The following ZNF394 variants were observed in gnomAD, a reference collection of about 807,000 sequenced individuals.
ZNF394 encodes zinc finger protein 394.
In ZNF394, 19 loss-of-function variants were observed where a neutral mutation model predicts 21.8. The observed-to-expected ratio is 0.87, with a 90% CI of 0.61 to 1.28. The LOEUF (loss-of-function observed/expected upper bound fraction) is 1.28. Ranked by LOEUF, ZNF394 falls within the 50% of genes most tolerant of loss-of-function variation. ZNF394 has a pLI of 0.00. For synonymous variants in ZNF394, 294 were observed against 273.3 expected (o/e 1.08, Z -0.75); for missense variants, 683 against 708.6 (o/e 0.96, Z 0.41).
Position 99,493,924 on chromosome 7 carries a change from G to A in ZNF394, c.1291C>T (p.Arg431Cys), listed in dbSNP as rs746814350. 2.5e-6 allele frequency: 4 copies of A among 1,614,224 alleles called. No individual in the cohort carries two copies. Among genetic ancestry groups the A allele is most frequent in the Non-Finnish European group, 3.4e-6 (4 of 1,180,046 alleles). ...ERFRQNSHLN[R>C]HQSTHSRDKH... is the part of the protein sequence containing the mutation. The stretch of plus-strand genomic sequence containing the variant: ...TCTCTACTGTGGGTACTTTGATGAC[G>A]ATTTAGGTGTGAATTCTGCCTGAAG... The change falls in exon 3 of 3, where the codon CGT (arginine) becomes TGT (cysteine). Residue 431 changes from arginine to cysteine, a missense_variant. Arg to Cys is a radical substitution (Grantham distance 180). Transcript: ENST00000337673.
In ZNF394 at chr7:99,494,288, G is replaced by A. The variant is rs1800233425; in HGVS notation, c.927C>T (p.Asp309=). The A allele has an allele frequency of 3.1e-6, 5 of 1,614,118 alleles. No individual in the cohort carries two copies. The highest frequency in any genetic ancestry group is 4.2e-6 in the Non-Finnish European group (5 of 1,180,054). The change falls in exon 3 of 3, where the codon GAC becomes GAT. Residue 309 remains aspartate, a synonymous_variant. Transcript: ENST00000337673. ...TGCACTTGTTCCCGTGTTCCTCACT[G>A]TCAGTGGGCCTCTCTGCTTTCGGGA... ...QHIPKAERPT[D]SEEHGNKCKQ...
intron 1 of ZNF394, 112 bp from the exon 2 acceptor site, chr7:99,498,954 A>C: frequency 1.4e-6 from 2 of 1,396,756 alleles, no homozygotes; most frequent in Non-Finnish European, 1.9e-6. Context: ...ATAGAGGCTG[A>C]CATTCTCTTG....
intron 2 of ZNF394, among the ~76,000 whole-genome samples, chr7:99,497,382 G>A (rs771888238): frequency 1.2e-3 from 183 of 150,300 alleles, no homozygotes; most frequent in Non-Finnish European, 2.3e-3. Context: ...GGGTTTCACC[G>A]TGTTAGCCAG....
rs559678410 is a variant in ZNF394, at chr7:99,494,719, C to T, written c.584-88G>A. Reference sequence around the variant, plus strand: ...GCTGGCAGAATGTTAAACCCTCAAACCCCTTTTACTTTTTAATTAATTAAT... The same window carrying T: ...GCTGGCAGAATGTTAAACCCTCAAATCCCTTTTACTTTTTAATTAATTAAT... On this transcript the variant is annotated intron_variant, in intron 2 of 2. Coordinates refer to ENST00000337673, the MANE Select transcript of ZNF394 (RefSeq NM_032164.4). The T allele has an allele frequency of 3.3e-5, 47 of 1,443,916 alleles. No individual in the cohort carries two copies. The Middle Eastern group carries it at 7.3e-4, about 23-fold the overall frequency. 89.4% of individuals were successfully genotyped at this position (1,443,916 alleles called of 1,614,324 possible). A position where few individuals can be genotyped will look rare whatever the true frequency, so the allele number is the denominator to read the frequency against.
At position 99,493,951 on chromosome 7, in the gene ZNF394, G is replaced by C; in HGVS notation, c.1264C>G (p.Arg422Gly). The C allele has an allele frequency of 6.2e-7, 1 of 1,614,170 alleles. No individual in the cohort carries two copies. Among genetic ancestry groups the C allele is most frequent in the Non-Finnish European group, 8.5e-7 (1 of 1,180,032 alleles). ...TTTAGGTGTGAATTCTGCCTGAAGC[G>C]CTCCCCACATTTCAGACAGGTGTAC... Reference protein sequence around the residue: ...KPYTCLKCGERFRQNSHLNRH... With the variant: ...KPYTCLKCGEGFRQNSHLNRH... Residue 422 changes from arginine to glycine, a missense_variant, in exon 3 of 3, where the codon CGC (arginine) becomes GGC (glycine). Around this residue, in one of 3 missense-constraint regions of ZNF394, gnomAD observed 274 missense variants for 314.1 expected, o/e 0.87. Transcript: ENST00000337673.
chr7:99,498,567 A>C, intron 2 of ZNF394, 149 bp downstream of exon 2: 1 of 1,043,180 alleles, frequency 9.6e-7, no homozygotes, highest in Non-Finnish European at 1.4e-6. Flanking sequence ...TCTAGCACCT[A>C]GCAGTACAGA....
At position 99,500,198 on chromosome 7, in the gene ZNF394, G is replaced by A. The variant is rs1800480062; in HGVS notation, c.-105C>T. 2.6e-6 allele frequency: 3 copies of A among 1,170,320 alleles called. No individual in the cohort carries two copies. The highest frequency in any genetic ancestry group is 3.5e-6 in the Non-Finnish European group (3 of 855,048). The allele number at this position is 1,170,320 out of a possible 1,614,324, so 72.5% of individuals were successfully genotyped here. A position where few individuals can be genotyped will look rare whatever the true frequency, so the allele number is the denominator to read the frequency against. On this transcript the variant is annotated 5_prime_UTR_variant, in exon 1 of 3. Transcript: ENST00000337673. ...TCAACACCCTCCGGTCCCAAACACC[G>A]GGCCCCACCACACCAGGCCCCTCTC... is the stretch of plus-strand genomic sequence containing the variant.
In ZNF394 at chr7:99,499,542, C is replaced by T. The variant is rs564902429; in HGVS notation, c.456+96G>A. 13 of 1,174,266 alleles carry T rather than the reference C, an allele frequency of 1.1e-5. No homozygotes were observed. In the African/African-American group the frequency reaches 1.2e-4, roughly 11 times the overall value. 72.7% of individuals were successfully genotyped at this position (1,174,266 alleles called of 1,614,324 possible). ...GTCCATACACACCCCAATGTTCACA[C>T]GAAATGTAATAAGGAAGTAAGTTCC... is the stretch of plus-strand genomic sequence containing the variant. On this transcript the variant is annotated intron_variant, in intron 1 of 2. Coordinates refer to ENST00000337673, the MANE Select transcript of ZNF394 (RefSeq NM_032164.4).
At chr7:99,498,904 T>C (rs1800421284) in intron 1 of ZNF394, 62 bp from the exon 2 acceptor site, 3 of 1,543,796 alleles carry the variant, frequency 1.9e-6, no homozygotes, top group Non-Finnish European at 2.6e-6. Flanking sequence ...AACACTCTTC[T>C]TGAGTCTTGT....
chr7:99,487,220 A>G (rs777007172), intron 1 of ZNF394: 5 of 1,614,170 alleles, frequency 3.1e-6, no homozygotes, highest in Non-Finnish European at 4.2e-6. Flanking sequence ...ATTCACAGTA[A>G]ACCGAACACC....
rs201206255 is a variant in ZNF394 at position 99,497,087 on chromosome 7, C to CGTGTGTGT, written c.583+1621_583+1628dup. The stretch of plus-strand genomic sequence containing the variant: ...GTATATATATGTATATACATACATA[C>CGTGTGTGT]GTGTGTGTGTGTGTGTGTGTGTGTG... On this transcript the variant is annotated intron_variant, in intron 2 of 2. Transcript: ENST00000337673. 9.9e-3 allele frequency among the ~76,000 whole-genome samples: 932 copies of CGTGTGTGT among 94,618 alleles called. 30 individuals carry two copies. Among genetic ancestry groups the CGTGTGTGT allele is most frequent in the African/African-American group, 0.038 (551 of 14,438 alleles). The allele number at this position is 94,618 out of a possible 152,430, so 62.1% of individuals were successfully genotyped here.
rs767314138 is a variant in ZNF394 at position 99,494,431 on chromosome 7, C to T, written c.784G>A (p.Glu262Lys). Residue 262 changes from glutamate to lysine, a missense_variant, in exon 3 of 3, where the codon GAA becomes AAA. This residue lies in a region of ZNF394 where 402 missense variants were observed against 373.8 expected (regional missense o/e 1.08). Coordinates refer to ENST00000337673, the MANE Select transcript of ZNF394 (RefSeq NM_032164.4). ...ACATCTGAGATGCTGTTGAGTCCTT[C>T]TGCTTCAGGAGAATTTTCAAGTTTC... Reference protein sequence around the residue: ...PLKLENSPEAEGLNSISDVNK... With the variant: ...PLKLENSPEAKGLNSISDVNK... 6.2e-7 allele frequency: 1 copy of T among 1,614,168 alleles called. No individual in the cohort carries two copies. The highest frequency in any genetic ancestry group is 1.1e-5 in the South Asian group (1 of 91,084).
At chr7:99,491,086 G>A (rs1361836901), downstream of ZNF394, among the ~76,000 whole-genome samples, 1 of 152,088 alleles carries the variant, frequency 6.6e-6, no homozygotes, top group Non-Finnish European at 1.5e-5. Flanking sequence ...CCTACATCAG[G>A]GAGAGAGTGG....
chr7:99,486,633 T>TA, exon 2 of ZNF394: 8 of 1,614,242 alleles, frequency 5.0e-6, no homozygotes, highest in Non-Finnish European at 6.8e-6. Flanking sequence ...GTTGCAGGCT[T>TA]ACTTTCCCTA....
rs1284327040 is a variant in ZNF394, at chr7:99,486,736, G to C, written n.311C>G. On this transcript the variant is annotated non_coding_transcript_exon_variant, in exon 2 of 2. Coordinates refer to the ZNF394 transcript ENST00000462024. ...AACAAGGTGGAAGCAGGGCAGATAT[G>C]ATGAGGATGGCAAACCCTTCAATCA... 1 of 1,614,208 alleles carries C rather than the reference G, an allele frequency of 6.2e-7. No individual in the cohort carries two copies. Among genetic ancestry groups the C allele is most frequent in the Admixed American group, 1.7e-5 (1 of 60,018 alleles).
chr7:99,493,558 AC>A lies in ZNF394; in HGVS notation c.1656del (p.Ser553ArgfsTer23). On this transcript the variant is annotated frameshift_variant, in exon 3 of 3. Coordinates refer to ENST00000337673, the MANE Select transcript of ZNF394 (RefSeq NM_032164.4). LOFTEE classifies it high-confidence loss of function. The stretch of plus-strand genomic sequence containing the variant: ...AGGCGTGAGCCACCACGCCCAGCCG[AC>A]AGCACTTTATTTTGATGAATTCTTT... The part of the protein sequence containing the change: ...RHQRIHQNKV[L>X]SAGRGGSRL The A allele has an allele frequency of 6.2e-7, 1 of 1,612,088 alleles. No homozygotes were observed. Among genetic ancestry groups the A allele is most frequent in the South Asian group, 1.1e-5 (1 of 90,790 alleles).
chr7:99,494,414 G>C lies in ZNF394; in HGVS notation c.801C>G (p.Ile267Met). Residue 267 changes from isoleucine to methionine, a missense_variant, in exon 3 of 3, where the codon ATC (isoleucine) becomes ATG (methionine). Coordinates refer to ENST00000337673, the MANE Select transcript of ZNF394 (RefSeq NM_032164.4). The stretch of plus-strand genomic sequence containing the variant: ...TGGAACCATTCTTATTGACATCTGA[G>C]ATGCTGTTGAGTCCTTCTGCTTCAG... Reference protein sequence around the residue: ...NSPEAEGLNSISDVNKNGSIE... With the variant: ...NSPEAEGLNSMSDVNKNGSIE... 1 of 1,614,154 alleles carries C rather than the reference G, an allele frequency of 6.2e-7. No individual in the cohort carries two copies. The highest frequency in any genetic ancestry group is 1.1e-5 in the South Asian group (1 of 91,084).
chr7:99,489,531 A>G (rs1206286067), downstream of ZNF394, among the ~76,000 whole-genome samples: 1 of 152,172 alleles, frequency 6.6e-6, no homozygotes, highest in African/African-American at 2.4e-5. Context: ...TTTAGTTTCC[A>G]GAGGTTCCCC....
chr7:99,497,155 T>TATATATATATGA (rs1285527600), intron 2 of ZNF394, among the ~76,000 whole-genome samples: 6 of 132,620 alleles, frequency 4.5e-5, no homozygotes, highest in African/African-American at 1.3e-4. Context: ...TATATATATA[T>TATATATATATGA]AAAATGTTTT....
Sources: allele counts gnomAD v4.1 joint callset (sites outside exome capture counted in the v4.1 genomes callset), GRCh38; gene constraint gnomAD v4.1.1; regional missense constraint gnomAD v4.1.1; transcripts MANE v1.5; gene names NCBI Gene and HGNC (gene_info 2026-07-23, HGNC 2026-07-21).